Variants in SHANK2 observed in about 807,000 individuals in gnomAD.
The protein encoded by SHANK2 is SH3 and multiple ankyrin repeat domains protein 2.
A neutral mutation model predicts 133.7 loss-of-function variants in SHANK2; 43 were observed. The observed-to-expected ratio is 0.32, with a 90% CI of 0.25 to 0.41. The LOEUF (loss-of-function observed/expected upper bound fraction) is 0.41. SHANK2 is among the 10% of genes least tolerant of loss of function. The probability of loss-of-function intolerance (pLI) is 1.00; values close to 1 mark genes in which losing one functional copy is unlikely to be tolerated. For synonymous variants in SHANK2, 1,017 were observed against 952.8 expected, an observed-to-expected ratio of 1.07 and a Z score of -1.24; for missense variants, 1,994 against 2,235.8, an observed-to-expected ratio of 0.89 and a Z score of 2.18.
At chr11:70,539,514 GCCACGCTCA>G (rs1380647697) in intron 17 of SHANK2, among the ~76,000 whole-genome samples, 49 of 150,836 alleles carry the variant, frequency 3.2e-4, no homozygotes, top group South Asian at 1.3e-3. Flanking sequence ...ACGCTCACTC[GCCACGCTCA>G]CCACGCTCAC....
chr11:70,918,791 C>T (rs1470656898), intron 10 of SHANK2, among the ~76,000 whole-genome samples: 2 of 152,184 alleles, frequency 1.3e-5, no homozygotes, highest in Admixed American at 1.3e-4. Flanking sequence ...CAGGGCATGA[C>T]CCACCATGCC....
At chr11:70,530,598 T>C (rs1046320403) in intron 17 of SHANK2, among the ~76,000 whole-genome samples, 6 of 152,082 alleles carry the variant, frequency 3.9e-5, no homozygotes, top group Admixed American at 6.6e-5. Flanking sequence ...GGATGAGCCT[T>C]GAGGACATCA....
intron 17 of SHANK2, among the ~76,000 whole-genome samples, chr11:70,582,870 G>A (rs1391210529): frequency 6.6e-6 from 1 of 152,212 alleles, no homozygotes; most frequent in Non-Finnish European, 1.5e-5. Context: ...CTGGGGATGG[G>A]GGTGGGGTGT....
intron 1 of SHANK2, among the ~76,000 whole-genome samples, chr11:71,230,759 A>G (rs1555122843): frequency 6.6e-6 from 1 of 152,194 alleles, no homozygotes; most frequent in Non-Finnish European, 1.5e-5. Context: ...AGAGCCCAGA[A>G]AAAACCCACA....
At chr11:70,689,051 C>T (rs1222002329) in intron 15 of SHANK2, among the ~76,000 whole-genome samples, 1 of 152,190 alleles carries the variant, frequency 6.6e-6, no homozygotes, top group Non-Finnish European at 1.5e-5. Context: ...GTGCAGTTCA[C>T]CTGAGCTCTG....
intron 17 of SHANK2, among the ~76,000 whole-genome samples, chr11:70,606,383 C>T (rs1257301785): frequency 1.3e-5 from 2 of 151,880 alleles, no homozygotes; most frequent in East Asian, 3.9e-4. Context: ...AAGATCCCAT[C>T]TCTACAAAAA....
At chr11:70,833,292 G>A (rs956138872) in intron 11 of SHANK2, among the ~76,000 whole-genome samples, 1 of 152,242 alleles carries the variant, frequency 6.6e-6, no homozygotes, top group Admixed American at 6.5e-5. Context: ...CCGGCTGGCC[G>A]CAGTTCCCAG....
chr11:71,105,590 TAAAAAAAAA>T (rs60654256), intron 6 of SHANK2, among the ~76,000 whole-genome samples: 1 of 77,946 alleles, frequency 1.3e-5, no homozygotes, highest in Non-Finnish European at 2.3e-5. Flanking sequence ...AGACTCAGTC[TAAAAAAAAA>T]AAAAAAAAAA....
chr11:71,075,626 A>G (rs1951208623), intron 8 of SHANK2, among the ~76,000 whole-genome samples: 3 of 152,164 alleles, frequency 2.0e-5, no homozygotes. Flanking sequence ...CTCAGTGCCC[A>G]GCTCCACAAG....
At chr11:70,525,653 A>G (rs1399711925) in intron 17 of SHANK2, among the ~76,000 whole-genome samples, 2 of 152,042 alleles carry the variant, frequency 1.3e-5, no homozygotes, top group African/African-American at 4.8e-5. Flanking sequence ...CCCACCTCCC[A>G]ACGCCAGGGG....
intron 15 of SHANK2, among the ~76,000 whole-genome samples, chr11:70,676,570 G>A (rs1399158657): frequency 6.6e-6 from 1 of 152,242 alleles, no homozygotes; most frequent in Non-Finnish European, 1.5e-5. Flanking sequence ...CTCTGGACTC[G>A]CCATTGTGGT....
At chr11:70,570,947 A>C (rs2060037968) in intron 17 of SHANK2, among the ~76,000 whole-genome samples, 2 of 152,140 alleles carry the variant, frequency 1.3e-5, no homozygotes. Context: ...GCATAACATA[A>C]CTATGCTGCA....
At position 70,921,409 on chromosome 11, in the gene SHANK2, T is replaced by A. The variant is rs546706591; in HGVS notation, c.1108-24842A>T. ...GCCAAGAGCCGATTCCTGCTAGCTG[T>A]AGAGAAATCCCTGGAGTTTTTAGCA... On this transcript the variant is annotated intron_variant, in intron 10 of 25. Transcript: ENST00000601538. Among the ~76,000 whole-genome samples, 5 of 152,290 alleles carry A rather than the reference T, an allele frequency of 3.3e-5. No homozygotes were observed. The South Asian group carries it at 1.0e-3, about 32-fold the overall frequency.
At chr11:70,591,429 A>C (rs1170274813) in intron 17 of SHANK2, among the ~76,000 whole-genome samples, 1 of 152,174 alleles carries the variant, frequency 6.6e-6, no homozygotes, top group Non-Finnish European at 1.5e-5. Context: ...AGATAGAAGA[A>C]GGAGCCGGAA....
chr11:70,567,345 G>A (rs960720917), intron 17 of SHANK2, among the ~76,000 whole-genome samples: 1 of 152,142 alleles, frequency 6.6e-6, no homozygotes, highest in Non-Finnish European at 1.5e-5. Context: ...AGCTGGAGAT[G>A]AGGCCGGGCG....
chr11:70,506,973 C>T (rs1281818646), intron 17 of SHANK2, among the ~76,000 whole-genome samples: 1 of 152,250 alleles, frequency 6.6e-6, no homozygotes, highest in East Asian at 1.9e-4. Flanking sequence ...AGGGTCAAAT[C>T]CCACCCACAC....
intron 14 of SHANK2, among the ~76,000 whole-genome samples, chr11:70,719,306 C>T (rs1441778836): frequency 2.6e-5 from 4 of 152,242 alleles, no homozygotes; most frequent in Non-Finnish European, 5.9e-5. Context: ...CAAAGTCACA[C>T]AGCCAGGTAA....
intron 10 of SHANK2, among the ~76,000 whole-genome samples, chr11:70,923,702 C>T (rs1392650129): frequency 1.3e-5 from 2 of 152,194 alleles, no homozygotes; most frequent in Non-Finnish European, 2.9e-5. Flanking sequence ...GTATGCACCA[C>T]CATGCCCAGT....
intron 11 of SHANK2, among the ~76,000 whole-genome samples, chr11:70,846,165 T>C (rs1948994157): frequency 6.6e-6 from 1 of 151,858 alleles, no homozygotes; most frequent in Non-Finnish European, 1.5e-5. Context: ...GGTGGTGGGG[T>C]CTTTCTACCG....
Sources: gnomAD v4.1 joint callset for allele counts (sites outside exome capture counted in the v4.1 genomes callset) on GRCh38, gnomAD v4.1.1 for gene constraint, MANE v1.5 for transcripts, NCBI Gene and HGNC (gene_info 2026-07-23, HGNC 2026-07-21) for gene names.